FLG: variants seen among roughly 807,000 people sequenced by gnomAD.
FLG encodes epidermal filaggrin.
In FLG, 6 loss-of-function variants were observed where a neutral mutation model predicts 3.8. That is an observed-to-expected ratio of 1.60 (90% CI 0.87 to 3.15). The LOEUF is 3.15. Among genes scored for constraint, FLG ranks in the 30% most tolerant of loss-of-function variants. The pLI is 0.00. For missense variants in FLG, 7,595 were observed against 5,050.9 expected (o/e 1.50, Z -15.27); for synonymous variants, 2,551 against 1,931.6 (o/e 1.32, Z -8.41).
Position 152,309,212 on chromosome 1 carries a change from C to G in FLG, c.5674G>C (p.Ala1892Pro), listed in dbSNP as rs375529357. Residue 1892 changes from alanine (A) to proline (P), a missense_variant, in exon 3 of 3, where the codon GCC becomes CCC. Coordinates refer to ENST00000368799, the MANE Select transcript of FLG (RefSeq NM_002016.2). ...ACCTGCGAGTGTCTAGAGCTGTCGG[C>G]CCGAGAGGAAGCTTCATGGTGACGC... ...GSRHHEASSR[A>P]DSSRHSQVGQ... 20 of 1,613,716 alleles carry G rather than the reference C, an allele frequency of 1.2e-5. No individual in the cohort carries two copies. The highest frequency in any genetic ancestry group is 1.2e-5 in the Non-Finnish European group (14 of 1,179,936).
Position 152,302,898 on chromosome 1 carries a change from G to T in FLG, c.11988C>A (p.His3996Gln), listed in dbSNP as rs747455945. Reference sequence around the variant, plus strand: ...GATTGGAATTGTAACTAACACTTCCGTGCTGAGAGTGTCTAAACCCGGATT... The same window carrying T: ...GATTGGAATTGTAACTAACACTTCCTTGCTGAGAGTGTCTAAACCCGGATT... ...YGESGFRHSQHGSVSYNSNPV... is the reference protein window; with the variant it reads ...YGESGFRHSQQGSVSYNSNPV... The change falls in exon 3 of 3, where the codon CAC becomes CAA. Residue 3996 changes from histidine to glutamine, a missense_variant. Physicochemically the swap from His to Gln is conservative, Grantham distance 24 (BLOSUM62 0). Transcript: ENST00000368799. 21 of 1,614,092 alleles carry T rather than the reference G, an allele frequency of 1.3e-5. No homozygotes were observed. Among genetic ancestry groups the T allele is most frequent in the Non-Finnish European group, 1.8e-5 (21 of 1,180,010 alleles).
At position 152,310,160 on chromosome 1, in the gene FLG, C is replaced by A. The variant is rs777735473; in HGVS notation, c.4726G>T (p.Val1576Leu). The change falls in exon 3 of 3, where the codon GTG (valine) becomes TTG (leucine). Residue 1576 changes from valine to leucine, a missense_variant. Val to Leu is a conservative substitution (Grantham distance 32, BLOSUM62 1). Transcript: ENST00000368799. Reference protein sequence around the residue: ...TRAGSSRHSQVGQGESAGSKT... With the variant: ...TRAGSSRHSQLGQGESAGSKT... ...GACCCCGCTGATTCTCCCTGGCCCA[C>A]CTGTGAGTGTCTAGAGCTGCCGGCC... 5.0e-6 allele frequency: 8 copies of A among 1,613,864 alleles called. No individual in the cohort carries two copies. Among genetic ancestry groups the A allele is most frequent in the African/African-American group, 2.7e-5 (2 of 74,846 alleles).
chr1:152,311,201 C>G lies in FLG; in HGVS notation c.3685G>C (p.Gly1229Arg), dbSNP rs377533309. Residue 1229 changes from glycine (G) to arginine (R), a missense_variant, in exon 3 of 3, where the codon GGC (glycine) becomes CGC (arginine). Physicochemically the swap from Gly to Arg is moderately radical, Grantham distance 125. Coordinates refer to ENST00000368799, the MANE Select transcript of FLG (RefSeq NM_002016.2). ...QTRKDKQSGDGSRHSGSRHHE... is the reference protein window; with the variant it reads ...QTRKDKQSGDRSRHSGSRHHE... The stretch of plus-strand genomic sequence containing the variant: ...TGACGTGACCCTGAGTGCCTGGAGC[C>G]GTCTCCTGATTGTTTGTCCTTACGA... The G allele has an allele frequency of 6.2e-7, 1 of 1,612,696 alleles. No individual in the cohort carries two copies. Among genetic ancestry groups the G allele is most frequent in the South Asian group, 1.1e-5 (1 of 91,012 alleles).
rs751476639 is a variant in FLG at position 152,311,828 on chromosome 1, A to G, written c.3058T>C (p.Ser1020Pro). The change falls in exon 3 of 3, where the codon TCA becomes CCA. Residue 1020 changes from serine (S) to proline (P), a missense_variant. Physicochemically the swap from Ser to Pro is moderately conservative, Grantham distance 74. Transcript: ENST00000368799. Reference sequence around the variant, plus strand: ...CTTGATCTTGCCTGTTCATGGGATGACGCAGCCTGTCCACCAGAGGAAGTC... The same window carrying G: ...CTTGATCTTGCCTGTTCATGGGATGGCGCAGCCTGTCCACCAGAGGAAGTC... ...AETSSGGQAA[S>P]SHEQARSSPG... is the part of the protein sequence containing the mutation. The G allele has an allele frequency of 3.7e-6, 6 of 1,613,870 alleles. No homozygotes were observed. Among genetic ancestry groups the G allele is most frequent in the Admixed American group, 1.7e-5 (1 of 59,986 alleles).
intron 1 of FLG, among the ~76,000 whole-genome samples, chr1:152,320,805 T>G (rs1652938072): frequency 6.6e-6 from 1 of 150,958 alleles, no homozygotes; most frequent in Non-Finnish European, 1.5e-5. Flanking sequence ...TCAATAAATT[T>G]TAAAGGGTTG....
Position 152,312,462 on chromosome 1 carries a change from T to C in FLG, c.2424A>G (p.Gly808=). 3 of 1,613,638 alleles carry C rather than the reference T, an allele frequency of 1.9e-6. No individual in the cohort carries two copies. Among genetic ancestry groups the C allele is most frequent in the Non-Finnish European group, 2.5e-6 (3 of 1,179,874 alleles). Residue 808 remains glycine (G), a synonymous_variant, in exon 3 of 3, where the codon GGA becomes GGG. Transcript: ENST00000368799. ...TTACTCCAGTGCTGGGCCCTGTCCA[T>C]CCATGGGAGGACTCAGACTGTTTAT... is the stretch of plus-strand genomic sequence containing the variant. ...STHKQSESSH[G]WTGPSTGVRQ... is the part of the protein sequence containing the mutation.
In FLG at chr1:152,305,245, C is replaced by A. The variant is rs754731154; in HGVS notation, c.9641G>T (p.Ser3214Ile). Reference sequence around the variant, plus strand: ...CTCACTGTCACTGTCCTGGCTCACACTGGATCCCTGGCGCCTGCTTCTCCT... The same window carrying A: ...CTCACTGTCACTGTCCTGGCTCACAATGGATCCCTGGCGCCTGCTTCTCCT... ...GSRRSRRQGS[S>I]VSQDSDSEGH... is the part of the protein sequence containing the mutation. Residue 3214 changes from serine to isoleucine, a missense_variant, in exon 3 of 3, where the codon AGT becomes ATT. Transcript: ENST00000368799. The A allele has an allele frequency of 1.2e-6, 2 of 1,612,866 alleles. No homozygotes were observed. The highest frequency in any genetic ancestry group is 1.3e-5 in the African/African-American group (1 of 74,706).
Position 152,308,637 on chromosome 1 carries a change from G to C in FLG, c.6249C>G (p.Ser2083Arg), listed in dbSNP as rs148799492. The change falls in exon 3 of 3, where the codon AGC becomes AGG. Residue 2083 changes from serine (S) to arginine (R), a missense_variant. Ser to Arg is a moderately radical substitution (Grantham distance 110). Coordinates refer to ENST00000368799, the MANE Select transcript of FLG (RefSeq NM_002016.2). ...AGAGGAAAGACCCTGAACGTCCAGA[G>C]CTTTCCCCTGACTGGCCACGTGCGG... is the stretch of plus-strand genomic sequence containing the variant. The part of the protein sequence containing the change: ...KESARGQSGE[S>R]SGRSGSFLYQ... 1.5e-5 allele frequency: 24 copies of C among 1,613,946 alleles called. No homozygotes were observed. Among genetic ancestry groups the C allele is most frequent in the South Asian group, 2.2e-5 (2 of 91,078 alleles).
chr1:152,314,296 C>T lies in FLG; in HGVS notation c.590G>A (p.Arg197Lys), dbSNP rs1449769146. ...TTCAAGTCTTTCACTTAGCCTCTTC[C>T]TATTGTCTCCTAATCTAGTATTTTC... is the stretch of plus-strand genomic sequence containing the variant. Reference protein sequence around the residue: ...KTENTRLGDNRKRLSERLEEK... With the variant: ...KTENTRLGDNKKRLSERLEEK... The change falls in exon 3 of 3, where the codon AGG (arginine) becomes AAG (lysine). Residue 197 changes from arginine (R) to lysine (K), a missense_variant. Physicochemically the swap from Arg to Lys is conservative, Grantham distance 26. Transcript: ENST00000368799. 1.9e-6 allele frequency: 3 copies of T among 1,613,336 alleles called. No homozygotes were observed. The highest frequency in any genetic ancestry group is 1.7e-6 in the Non-Finnish European group (2 of 1,179,858).
Position 152,307,684 on chromosome 1 carries a change from C to T in FLG, c.7202G>A (p.Arg2401His), listed in dbSNP as rs767994328. Residue 2401 changes from arginine (R) to histidine (H), a missense_variant, in exon 3 of 3, where the codon CGT becomes CAT. Coordinates refer to ENST00000368799, the MANE Select transcript of FLG (RefSeq NM_002016.2). ...PHQQSHQEST[R>H]GRSAGRSGRS... Reference sequence around the variant, plus strand: ...TCCAGACCTTCCTGCTGACCGGCCACGTGTGGACTCTTGGTGGCTCTGCTG... The same window carrying T: ...TCCAGACCTTCCTGCTGACCGGCCATGTGTGGACTCTTGGTGGCTCTGCTG... 6.2e-6 allele frequency: 10 copies of T among 1,613,340 alleles called. No homozygotes were observed. Among genetic ancestry groups the T allele is most frequent in the Admixed American group, 5.0e-5 (3 of 59,938 alleles).
In FLG at chr1:152,313,913, C is replaced by G; in HGVS notation, c.973G>C (p.Ala325Pro). The part of the protein sequence containing the change: ...GSASRNHHGS[A>P]WEQSRDGSRH... ...GAGCCATCTCTTGACTGCTCCCACG[C>G]AGATCCATGATGGTTTCTGGAAGCC... Residue 325 changes from alanine to proline, a missense_variant, in exon 3 of 3, where the codon GCG becomes CCG. Ala to Pro is a conservative substitution (Grantham distance 27). Coordinates refer to ENST00000368799, the MANE Select transcript of FLG (RefSeq NM_002016.2). The G allele has an allele frequency of 6.2e-7, 1 of 1,613,980 alleles. No homozygotes were observed. Among genetic ancestry groups the G allele is most frequent in the Non-Finnish European group, 8.5e-7 (1 of 1,179,976 alleles).
In FLG at chr1:152,314,444, C is replaced by T. The variant is rs1207524703; in HGVS notation, c.442G>A (p.Gly148Arg). 2 of 1,613,504 alleles carry T rather than the reference C, an allele frequency of 1.2e-6. No homozygotes were observed. Among genetic ancestry groups the T allele is most frequent in the Non-Finnish European group, 8.5e-7 (1 of 1,179,820 alleles). ...GAACTAGATTCATGCCTTTTCCCCCCTGTTTCTCTTGGGCTCTTGGATCTT... is the reference window on the plus strand; with the variant it reads ...GAACTAGATTCATGCCTTTTCCCCCTTGTTTCTCTTGGGCTCTTGGATCTT... Reference protein sequence around the residue: ...KGRSKSPRETGGKRHESSSEK... With the variant: ...KGRSKSPRETRGKRHESSSEK... Residue 148 changes from glycine to arginine, a missense_variant, in exon 3 of 3, where the codon GGG becomes AGG. Physicochemically the swap from Gly to Arg is moderately radical, Grantham distance 125. Transcript: ENST00000368799.
At chr1:152,316,040 A>G (rs558510434) in intron 1 of FLG, among the ~76,000 whole-genome samples, 1 of 152,298 alleles carries the variant, frequency 6.6e-6, no homozygotes, top group East Asian at 1.9e-4. Context: ...TTTAAAGAGA[A>G]AGGTTTTTCT....
chr1:152,310,269 A>C lies in FLG; in HGVS notation c.4617T>G (p.Ser1539Arg). ...DASHGQSGPR[S>R]ASRQTRNEEQ... ...CCTCATTTCTTGTTTGCCTGCTTGC[A>C]CTTCTGGGTCCTGACTGCCCATGGG... Residue 1539 changes from serine to arginine, a missense_variant, in exon 3 of 3, where the codon AGT becomes AGG. Ser to Arg is a moderately radical substitution (Grantham distance 110). Coordinates refer to ENST00000368799, the MANE Select transcript of FLG (RefSeq NM_002016.2). The C allele has an allele frequency of 6.2e-7, 1 of 1,613,488 alleles. No individual in the cohort carries two copies. Among genetic ancestry groups the C allele is most frequent in the Non-Finnish European group, 8.5e-7 (1 of 1,179,896 alleles).
Position 152,314,614 on chromosome 1 carries a change from T to C in FLG, c.272A>G (p.Lys91Arg), listed in dbSNP as rs751384298. 6.2e-7 allele frequency: 1 copy of C among 1,614,098 alleles called. No homozygotes were observed. The change falls in exon 3 of 3, where the codon AAA becomes AGA. Residue 91 changes from lysine (K) to arginine (R), a missense_variant. Transcript: ENST00000368799. ...LAQAYYESTR[K>R]ENLPISGHKH... ...GTGTCCTGATATCGGTAAATTCTCT[T>C]TTCTGGTAGACTCATAATATGCTTG... is the stretch of plus-strand genomic sequence containing the variant.
Position 152,305,344 on chromosome 1 carries a change from C to T in FLG, c.9542G>A (p.Arg3181His), listed in dbSNP as rs144792381. The T allele has an allele frequency of 3.1e-4, 503 of 1,605,436 alleles. 3 individuals carry two copies. Among genetic ancestry groups the T allele is most frequent in the Non-Finnish European group, 3.7e-4 (434 of 1,176,906 alleles). The change falls in exon 3 of 3, where the codon CGT (arginine) becomes CAT (histidine). Residue 3181 changes from arginine (R) to histidine (H), a missense_variant. Coordinates refer to ENST00000368799, the MANE Select transcript of FLG (RefSeq NM_002016.2). Reference protein sequence around the residue: ...SGDSSRHSVSRHHEASTHADI... With the variant: ...SGDSSRHSVSHHHEASTHADI... ...GGCATGAGTGGAAGCTTCATGGTGA[C>T]GTGACACTGAGTGCCTGGAGCTGTC...
In FLG at chr1:152,303,388, G is replaced by A. The variant is rs754572074; in HGVS notation, c.11498C>T (p.Ala3833Val). 2 of 1,614,110 alleles carry A rather than the reference G, an allele frequency of 1.2e-6. No homozygotes were observed. Among genetic ancestry groups the A allele is most frequent in the Non-Finnish European group, 1.7e-6 (2 of 1,180,026 alleles). Residue 3833 changes from alanine to valine, a missense_variant, in exon 3 of 3, where the codon GCT (alanine) becomes GTT (valine). Ala to Val is a moderately conservative substitution (Grantham distance 64). Transcript: ENST00000368799. ...TCTAGAGCTGTCAGCCTGAGTGGAAGCTTCATGGTGACGCGACCCTGAGTG... is the reference window on the plus strand; with the variant it reads ...TCTAGAGCTGTCAGCCTGAGTGGAAACTTCATGGTGACGCGACCCTGAGTG... ...SRHSGSRHHE[A>V]STQADSSRHS... is the part of the protein sequence containing the mutation.
Position 152,309,091 on chromosome 1 carries a change from T to A in FLG, c.5795A>T (p.Glu1932Val). 1 of 1,614,138 alleles carries A rather than the reference T, an allele frequency of 6.2e-7. No individual in the cohort carries two copies. Among genetic ancestry groups the A allele is most frequent in the Non-Finnish European group, 8.5e-7 (1 of 1,180,012 alleles). Residue 1932 changes from glutamate to valine, a missense_variant, in exon 3 of 3, where the codon GAG (glutamate) becomes GTG (valine). Physicochemically the swap from Glu to Val is moderately radical, Grantham distance 121. Coordinates refer to ENST00000368799, the MANE Select transcript of FLG (RefSeq NM_002016.2). ...SDSQGHSEDSERWSGSASRNH... is the reference protein window; with the variant it reads ...SDSQGHSEDSVRWSGSASRNH... ...TCTGGAAGCAGACCCAGACCACCTC[T>A]CAGAGTCTTCTGAGTGTCCCTGACT... is the stretch of plus-strand genomic sequence containing the variant.
intron 1 of FLG, among the ~76,000 whole-genome samples, chr1:152,319,089 A>G (rs1305342305): frequency 1.3e-5 from 2 of 151,722 alleles, no homozygotes; most frequent in East Asian, 3.8e-4. Context: ...CAGTTAGAAA[A>G]TTGTGGACAA....
Sources: allele counts gnomAD v4.1 joint callset (sites outside exome capture counted in the v4.1 genomes callset), GRCh38; gene constraint gnomAD v4.1.1; transcripts MANE v1.5; gene names NCBI Gene and HGNC (gene_info 2026-07-23, HGNC 2026-07-21).